Variants in AKR1C4 observed in about 807,000 individuals in gnomAD.
AKR1C4 encodes the protein 3-alpha-HSD1.
A neutral mutation model predicts 41.0 loss-of-function variants in AKR1C4; 44 were observed. That is an observed-to-expected ratio of 1.07 (90% confidence interval 0.84 to 1.38). The LOEUF (loss-of-function observed/expected upper bound fraction) is 1.38. Ranked by LOEUF, AKR1C4 falls within the 40% of genes most tolerant of loss-of-function variation. AKR1C4 has a pLI of 0.00. For synonymous variants in AKR1C4, 165 were observed against 137.7 expected, an observed-to-expected ratio of 1.20 and a Z score of -1.39; for missense variants, 438 against 387.9, an observed-to-expected ratio of 1.13 and a Z score of -1.09.
intron 2 of AKR1C4, 56 bp downstream of exon 2, chr10:5,200,404 A>G: frequency 6.5e-7 from 1 of 1,544,536 alleles, no homozygotes; most frequent in Non-Finnish European, 8.7e-7. Flanking sequence ...TTGTGTGGAG[A>G]TGACAATTCT....
chr10:5,197,789 C>T (rs2132121358), intron 1 of AKR1C4, among the ~76,000 whole-genome samples: 1 of 152,274 alleles, frequency 6.6e-6, no homozygotes, highest in Middle Eastern at 3.4e-3. Context: ...TACAGAGAAA[C>T]ACCTTGAAGA....
At chr10:5,213,297 GT>G (rs1832606367) in intron 7 of AKR1C4, 138 bp downstream of exon 7, 3 of 1,370,162 alleles carry the variant, frequency 2.2e-6, no homozygotes, top group South Asian at 3.1e-5. Flanking sequence ...GTGCATAAGT[GT>G]TTTCTACTCT....
intron 5 of AKR1C4, among the ~76,000 whole-genome samples, chr10:5,211,858 A>AG (rs1301110884): frequency 2.0e-5 from 3 of 152,230 alleles, no homozygotes; most frequent in African/African-American, 7.2e-5. Context: ...CAGAAGGCAA[A>AG]GAGGAGCAAG....
intron 5 of AKR1C4, among the ~76,000 whole-genome samples, chr10:5,210,344 G>A (rs996741557): frequency 2.0e-5 from 3 of 152,192 alleles, no homozygotes; most frequent in Non-Finnish European, 4.4e-5. Context: ...CTGGCATTGA[G>A]TGTCTGCAGC....
chr10:5,202,186 C>T (rs2132125777), intron 2 of AKR1C4, among the ~76,000 whole-genome samples: 1 of 151,996 alleles, frequency 6.6e-6, no homozygotes, highest in East Asian at 1.9e-4. Context: ...GTTTATGTAT[C>T]ATTTCTTTTT....
At chr10:5,198,181 C>A (rs1832340068) in intron 1 of AKR1C4, among the ~76,000 whole-genome samples, 1 of 152,174 alleles carries the variant, frequency 6.6e-6, no homozygotes, top group South Asian at 2.1e-4. Flanking sequence ...TAATCTCTCA[C>A]AGGTCGCAGT....
chr10:5,203,758 C>T (rs555879222), intron 2 of AKR1C4, among the ~76,000 whole-genome samples: 3 of 152,312 alleles, frequency 2.0e-5, no homozygotes, highest in African/African-American at 7.2e-5. Flanking sequence ...TGCCTCCAAT[C>T]CACAATCTTG....
At chr10:5,202,478 A>G (rs2151896) in intron 2 of AKR1C4, 263,396 of 454,220 alleles carry the variant, frequency 0.58, 77,515 homozygotes, top group South Asian at 0.64. Flanking sequence ...TCCTTTTCCA[A>G]TTTGGATTCC....
intron 5 of AKR1C4, among the ~76,000 whole-genome samples, chr10:5,210,988 C>T (rs1832566979): frequency 6.6e-6 from 1 of 152,234 alleles, no homozygotes; most frequent in Non-Finnish European, 1.5e-5. Context: ...GACTTGCACC[C>T]TGTGCAGCCA....
In AKR1C4 at chr10:5,204,682, C is replaced by T. The variant is rs371211240; in HGVS notation, c.369+189C>T. Reference sequence around the variant, plus strand: ...TGTAACGTATGATGACAAGAGAAGACAGTACATCAACCTCAAAGCCTCTGA... The same window carrying T: ...TGTAACGTATGATGACAAGAGAAGATAGTACATCAACCTCAAAGCCTCTGA... On this transcript the variant is annotated intron_variant, in intron 3 of 8. Transcript: ENST00000263126. 5.3e-5 allele frequency: 39 copies of T among 741,450 alleles called. No individual in the cohort carries two copies. The African/African-American group carries it at 6.1e-4, about 12-fold the overall frequency. The allele number at this position is 741,450 out of a possible 1,614,324, so 45.9% of individuals were successfully genotyped here. A position where few individuals can be genotyped will look rare whatever the true frequency, so the allele number is the denominator to read the frequency against.
chr10:5,202,152 T>C (rs1554796972), intron 2 of AKR1C4, among the ~76,000 whole-genome samples: 1 of 152,192 alleles, frequency 6.6e-6, no homozygotes, highest in Non-Finnish European at 1.5e-5. Context: ...TTTCTATCCA[T>C]AAGCATGGGA....
rs531998050 is a variant in AKR1C4 at position 5,205,831 on chromosome 10, G to C, written c.444G>C (p.Trp148Cys). The stretch of plus-strand genomic sequence containing the variant: ...ACACAGTGGATCTCTCTGCCACATG[G>C]GAGGTGAGTGCTTGGAGGACAGAGT... ...IFDTVDLSAT[W>C]EVMEKCKDAG... The change falls in exon 4 of 9, where the codon TGG becomes TGC. Residue 148 changes from tryptophan to cysteine, a missense_variant. Coordinates refer to ENST00000263126, the MANE Select transcript of AKR1C4 (RefSeq NM_001818.5). 5.6e-6 allele frequency: 9 copies of C among 1,612,662 alleles called. No individual in the cohort carries two copies. Among genetic ancestry groups the C allele is most frequent in the Middle Eastern group, 1.7e-4 (1 of 6,058 alleles).
chr10:5,208,147 T>C (rs1832518248), intron 5 of AKR1C4, among the ~76,000 whole-genome samples: 2 of 151,582 alleles, frequency 1.3e-5, no homozygotes, highest in Non-Finnish European at 2.9e-5. Flanking sequence ...TAGCAGAACA[T>C]TGAGCTGACC....
chr10:5,207,662 T>TC, intron 5 of AKR1C4: 1 of 1,028,660 alleles, frequency 9.7e-7, no homozygotes, highest in South Asian at 1.2e-5. Flanking sequence ...ACCTGTGCAA[T>TC]CATAGGACAT....
rs139905834 is a variant in AKR1C4, at chr10:5,206,294, A to C, written c.467A>C (p.Asp156Ala). 24 of 1,613,974 alleles carry C rather than the reference A, an allele frequency of 1.5e-5. No homozygotes were observed. Among genetic ancestry groups the C allele is most frequent in the Non-Finnish European group, 1.9e-5 (23 of 1,179,986 alleles). Residue 156 changes from aspartate to alanine, a missense_variant, in exon 5 of 9, where the codon GAT becomes GCT. Transcript: ENST00000263126. Reference sequence around the variant, plus strand: ...CCCCAGGTCATGGAGAAGTGTAAGGATGCAGGATTGGCCAAGTCCATCGGG... The same window carrying C: ...CCCCAGGTCATGGAGAAGTGTAAGGCTGCAGGATTGGCCAAGTCCATCGGG... Reference protein sequence around the residue: ...ATWEVMEKCKDAGLAKSIGVS... With the variant: ...ATWEVMEKCKAAGLAKSIGVS...
intron 5 of AKR1C4, among the ~76,000 whole-genome samples, chr10:5,208,325 TG>T (rs1165542826): frequency 3.3e-5 from 5 of 151,632 alleles, no homozygotes; most frequent in African/African-American, 7.3e-5. Context: ...TTTATGTATT[TG>T]GTAATATAAT....
chr10:5,197,161 T>C (rs1832323919), intron 1 of AKR1C4, among the ~76,000 whole-genome samples: 1 of 152,220 alleles, frequency 6.6e-6, no homozygotes, highest in East Asian at 1.9e-4. Flanking sequence ...TTACTGCTTA[T>C]TTTTATTTTA....
Position 5,213,029 on chromosome 10 carries a change from C to G in AKR1C4, c.716C>G (p.Pro239Arg), listed in dbSNP as rs1234219852. The change falls in exon 7 of 9, where the codon CCA becomes CGA. Residue 239 changes from proline (P) to arginine (R), a missense_variant. Coordinates refer to ENST00000263126, the MANE Select transcript of AKR1C4 (RefSeq NM_001818.5). ...AACTCCCCAGTTCTTTTGGAGGACC[C>G]AGTTCTTTGTGCCTTAGCAAAGAAA... ...DPNSPVLLED[P>R]VLCALAKKHK... The G allele has an allele frequency of 4.3e-6, 7 of 1,614,004 alleles. No homozygotes were observed. In the East Asian group the frequency reaches 1.6e-4, roughly 36 times the overall value.
rs373078506 is a variant in AKR1C4 at position 5,204,494 on chromosome 10, G to A, written c.369+1G>A. 5 of 1,601,336 alleles carry A rather than the reference G, an allele frequency of 3.1e-6. No individual in the cohort carries two copies. Among genetic ancestry groups the A allele is most frequent in the Middle Eastern group, 1.6e-4 (1 of 6,068 alleles). On this transcript the variant is annotated splice_donor_variant, in intron 3 of 8. Coordinates refer to ENST00000263126, the MANE Select transcript of AKR1C4 (RefSeq NM_001818.5). LOFTEE classifies it high-confidence loss of function. ...TCTTCATTTCCCAATGGCTCTCAAG[G>A]TAGGGAATTTGTGAGATCAACTTCT... is the stretch of plus-strand genomic sequence containing the variant.
Sources: allele counts gnomAD v4.1 joint callset (sites outside exome capture counted in the v4.1 genomes callset), GRCh38; gene constraint gnomAD v4.1.1; transcripts MANE v1.5; gene names NCBI Gene and HGNC (gene_info 2026-07-23, HGNC 2026-07-21).